Variants in MTHFD2L observed in about 807,000 individuals in gnomAD.
The protein encoded by MTHFD2L is methylenetetrahydrofolate dehydrogenase (NADP+ dependent) 2 like.
In MTHFD2L, 29 loss-of-function variants were observed where a neutral mutation model predicts 34.9. The observed-to-expected ratio is 0.83, with a 90% CI of 0.62 to 1.13. The LOEUF (loss-of-function observed/expected upper bound fraction) is 1.13, where lower values mean the gene tolerates loss of function less well. MTHFD2L is among the 50% of genes most tolerant of loss of function. The pLI, the probability that MTHFD2L is intolerant of heterozygous loss-of-function variation, is 0.00. For synonymous variants in MTHFD2L, 167 were observed against 155.7 expected, an observed-to-expected ratio of 1.07 and a Z score of -0.54; for missense variants, 481 against 446.5, an observed-to-expected ratio of 1.08 and a Z score of -0.70.
intron 1 of MTHFD2L, among the ~76,000 whole-genome samples, chr4:74,150,435 G>A (rs1483125290): frequency 6.6e-6 from 1 of 152,166 alleles, no homozygotes; most frequent in Non-Finnish European, 1.5e-5. Flanking sequence ...GTATTTTTTA[G>A]TAGAGACGGT....
rs190626366 is a variant in MTHFD2L, at chr4:74,230,243, T to C, written c.805+4849T>C. Among the ~76,000 whole-genome samples, 15 of 152,256 alleles carry C rather than the reference T, an allele frequency of 9.9e-5. No individual in the cohort carries two copies. In the East Asian group the frequency reaches 2.9e-3, roughly 29 times the overall value. ...TTTATTCATGAAAGAGTAGTTCATG[T>C]CATTAAGTGTATGAATGGAGTGATT... On this transcript the variant is annotated intron_variant, in intron 6 of 7. Transcript: ENST00000325278.
rs80084562 is a variant in MTHFD2L at position 74,180,535 on chromosome 4, A to G, written c.451+5132A>G. ...AATTCCAAGTTAGAATTATAATTCT[A>G]ATGTTTGAAGACAGGTTTGCATAAG... On this transcript the variant is annotated intron_variant, in intron 3 of 7. Coordinates refer to ENST00000325278, the MANE Select transcript of MTHFD2L (RefSeq NM_001144978.3). 9.6e-3 allele frequency among the ~76,000 whole-genome samples: 1,460 copies of G among 152,246 alleles called. 23 individuals are homozygous for G. The highest frequency in any genetic ancestry group is 9.4e-3 in the Non-Finnish European group (641 of 67,988).
At chr4:74,143,280 C>A (rs1338506660) in intron 1 of MTHFD2L, 1 of 344,092 alleles carries the variant, frequency 2.9e-6, no homozygotes, top group Non-Finnish European at 4.1e-6. Flanking sequence ...GCCTTCAGAA[C>A]GATCTGGCTA....
intron 6 of MTHFD2L, among the ~76,000 whole-genome samples, chr4:74,275,445 C>T (rs187223948): frequency 9.9e-4 from 150 of 152,186 alleles, no homozygotes; most frequent in Admixed American, 2.5e-3. Context: ...GATTTATAAT[C>T]CCTTGGATAT....
In MTHFD2L at chr4:74,152,819, A is replaced by G. The variant is rs535059818; in HGVS notation, c.-296-7236A>G. On this transcript the variant is annotated intron_variant, in intron 1 of 7. Transcript: ENST00000433372. ...AGTACAAACTTCTTTAAGAGCAGCT[A>G]GTGACAAGCAGGATACATCAATCTC... Among the ~76,000 whole-genome samples, 3 of 152,332 alleles carry G rather than the reference A, an allele frequency of 2.0e-5. No individual in the cohort carries two copies. The South Asian group carries it at 6.2e-4, about 32-fold the overall frequency.
chr4:74,245,214 A>AG (rs1560525582), intron 6 of MTHFD2L, among the ~76,000 whole-genome samples: 1 of 150,712 alleles, frequency 6.6e-6, no homozygotes, highest in Non-Finnish European at 1.5e-5. Context: ...AAAAAAAAAA[A>AG]AAAAAGAATC....
intron 6 of MTHFD2L, among the ~76,000 whole-genome samples, chr4:74,230,825 G>C (rs1739931259): frequency 1.3e-5 from 2 of 152,088 alleles, no homozygotes; most frequent in South Asian, 2.1e-4. Context: ...TCTGCTTTAA[G>C]GAAACTGTAG....
chr4:74,148,545 A>T (rs1383609304), intron 1 of MTHFD2L, among the ~76,000 whole-genome samples: 1 of 151,716 alleles, frequency 6.6e-6, no homozygotes, highest in Non-Finnish European at 1.5e-5. Flanking sequence ...ATGCCACCAT[A>T]CCCAGCCAAT....
intron 6 of MTHFD2L, among the ~76,000 whole-genome samples, chr4:74,233,698 G>A (rs1417382075): frequency 1.3e-5 from 2 of 151,920 alleles, no homozygotes; most frequent in Non-Finnish European, 2.9e-5. Context: ...TTCCTTGCTC[G>A]TTAGCCTCAA....
intron 6 of MTHFD2L, among the ~76,000 whole-genome samples, chr4:74,278,041 A>G (rs1423283030): frequency 6.6e-6 from 1 of 152,156 alleles, no homozygotes; most frequent in Non-Finnish European, 1.5e-5. Flanking sequence ...AAAAAAAAAT[A>G]AAGTTAGCTG....
chr4:74,231,486 C>G (rs1740056940), intron 6 of MTHFD2L, among the ~76,000 whole-genome samples: 1 of 152,150 alleles, frequency 6.6e-6, no homozygotes. Context: ...TGGCTTCACT[C>G]ATACTATAGT....
Position 74,158,268 on chromosome 4 carries a change from A to G in MTHFD2L, c.130A>G (p.Ser44Gly). Residue 44 changes from serine (S) to glycine (G), a missense_variant, in exon 1 of 8, where the codon AGC becomes GGC. Transcript: ENST00000325278. The stretch of plus-strand genomic sequence containing the variant: ...CGGGAGTGCGTTCCGGGGCTTTCGG[A>G]GCAGCGGTGTGAGGTACGAGGGCTG... Reference protein sequence around the residue: ...EPGSAFRGFRSSGVRHEAIII... With the variant: ...EPGSAFRGFRGSGVRHEAIII... The G allele has an allele frequency of 4.2e-6, 6 of 1,438,052 alleles. No homozygotes were observed. The South Asian group carries it at 7.5e-5, about 18-fold the overall frequency. 89.1% of individuals were successfully genotyped at this position (1,438,052 alleles called of 1,614,324 possible).
intron 5 of MTHFD2L, among the ~76,000 whole-genome samples, chr4:74,222,057 G>A (rs1578519572): frequency 6.6e-6 from 1 of 151,744 alleles, no homozygotes; most frequent in South Asian, 2.1e-4. Context: ...ACTTTTAAAT[G>A]TTCTTATACT....
chr4:74,279,073 A>G (rs937177441), intron 6 of MTHFD2L, among the ~76,000 whole-genome samples: 1 of 152,118 alleles, frequency 6.6e-6, no homozygotes. Flanking sequence ...TTAAGAAATT[A>G]CCTATCGTTT....
At chr4:74,130,310 C>G (rs1234857661) in intron 1 of MTHFD2L, among the ~76,000 whole-genome samples, 1 of 152,118 alleles carries the variant, frequency 6.6e-6, no homozygotes, top group Non-Finnish European at 1.5e-5. Context: ...GCCAATATCC[C>G]TGATGAACAT....
At chr4:74,210,431 A>G (rs1243193295) in intron 5 of MTHFD2L, among the ~76,000 whole-genome samples, 2 of 152,178 alleles carry the variant, frequency 1.3e-5, no homozygotes, top group Non-Finnish European at 1.5e-5. Context: ...TCCCAACACC[A>G]TTGATTAAAT....
At chr4:74,270,354 T>C (rs1745807047) in intron 6 of MTHFD2L, among the ~76,000 whole-genome samples, 1 of 151,734 alleles carries the variant, frequency 6.6e-6, no homozygotes, top group African/African-American at 2.4e-5. Context: ...CGGTGTGCGA[T>C]GTTCCCCTTC....
At chr4:74,239,797 T>A (rs1741437544) in intron 6 of MTHFD2L, among the ~76,000 whole-genome samples, 1 of 152,200 alleles carries the variant, frequency 6.6e-6, no homozygotes, top group Non-Finnish European at 1.5e-5. Context: ...AAGGGGCAAG[T>A]GCATTGCAGT....
At chr4:74,254,745 T>G (rs997055514) in intron 6 of MTHFD2L, among the ~76,000 whole-genome samples, 7 of 151,970 alleles carry the variant, frequency 4.6e-5, no homozygotes, top group African/African-American at 1.7e-4. Context: ...TTCAACATAC[T>G]CTAATACTCT....
Sources: gnomAD v4.1 joint callset for allele counts (sites outside exome capture counted in the v4.1 genomes callset) on GRCh38, gnomAD v4.1.1 for gene constraint, MANE v1.5 for transcripts, NCBI Gene and HGNC (gene_info 2026-07-23, HGNC 2026-07-21) for gene names.